Variants in RGS6 observed in about 807,000 individuals in gnomAD.
RGS6 encodes regulator of G-protein signaling 6.
RGS6 carries 30 observed loss-of-function variants against 78.5 expected under a neutral mutation model. The ratio of observed to expected loss-of-function variants is 0.38; its 90% confidence interval spans 0.29 to 0.52. The LOEUF is 0.52. RGS6 is among the 20% of genes least tolerant of loss of function. The pLI is 0.85. For synonymous variants in RGS6, 206 were observed against 206.0 expected (o/e 1.00, Z 0.00); for missense variants, 495 against 609.7 (o/e 0.81, Z 1.98).
Position 72,472,869 on chromosome 14 carries a change from C to T in RGS6, c.537-3C>T, listed in dbSNP as rs2096124286. On this transcript the variant is annotated splice_region_variant and splice_polypyrimidine_tract_variant and intron_variant, in intron 8 of 17. Transcript: ENST00000553525. The stretch of plus-strand genomic sequence containing the variant: ...TATTTCCTTCCTCTCTTTACTCTTT[C>T]AGGATTGACCGGAAAAAAGACAAGA... 6.2e-7 allele frequency: 1 copy of T among 1,604,618 alleles called. No homozygotes were observed. Among genetic ancestry groups the T allele is most frequent in the Non-Finnish European group, 8.5e-7 (1 of 1,174,098 alleles).
chr14:72,145,952 C>A (rs1408018897), intron 2 of RGS6, among the ~76,000 whole-genome samples: 1 of 152,300 alleles, frequency 6.6e-6, no homozygotes, highest in Non-Finnish European at 1.5e-5. Context: ...GGGATGGTGT[C>A]TTAGTCTGTT....
At chr14:72,094,902 C>A (rs1379000645) in intron 2 of RGS6, among the ~76,000 whole-genome samples, 1 of 152,154 alleles carries the variant, frequency 6.6e-6, no homozygotes, top group East Asian at 1.9e-4. Flanking sequence ...AATTACACAA[C>A]AAGCAAGGGG....
At chr14:72,179,997 T>G (rs930053053) in intron 2 of RGS6, among the ~76,000 whole-genome samples, 1 of 152,202 alleles carries the variant, frequency 6.6e-6, no homozygotes, top group Non-Finnish European at 1.5e-5. Flanking sequence ...GTCAGGTGCT[T>G]TCTGTGTTGG....
At chr14:71,982,178 C>A (rs1329248230) in intron 2 of RGS6, among the ~76,000 whole-genome samples, 1 of 152,136 alleles carries the variant, frequency 6.6e-6, no homozygotes, top group Non-Finnish European at 1.5e-5. Context: ...TGACCTGCGC[C>A]CAGTGTCTGG....
intron 3 of RGS6, among the ~76,000 whole-genome samples, chr14:72,416,730 A>C (rs1262605596): frequency 6.6e-6 from 1 of 152,232 alleles, no homozygotes; most frequent in Non-Finnish European, 1.5e-5. Flanking sequence ...GGAAGGAACA[A>C]GAACCTGTCT....
chr14:71,968,224 C>G (rs937835174), intron 2 of RGS6, among the ~76,000 whole-genome samples: 9 of 152,074 alleles, frequency 5.9e-5, no homozygotes, highest in Non-Finnish European at 8.8e-5. Flanking sequence ...ATTTAGGGTG[C>G]TTTATAAAAA....
chr14:71,906,037 A>G, the RGS6 span, among the ~76,000 whole-genome samples: 4 of 152,190 alleles, frequency 2.6e-5, no homozygotes, highest in Non-Finnish European at 5.9e-5. Context: ...CCCCCAAAAT[A>G]GTAGCTCCCT....
intron 16 of RGS6, among the ~76,000 whole-genome samples, chr14:72,536,602 C>T (rs759101062): frequency 2.8e-4 from 43 of 152,072 alleles, no homozygotes; most frequent in Non-Finnish European, 1.0e-4. Context: ...GGCAGTAACA[C>T]CAGCAAAACC....
the RGS6 span, among the ~76,000 whole-genome samples, chr14:71,908,861 G>A: frequency 1.3e-5 from 2 of 152,104 alleles, no homozygotes; most frequent in East Asian, 1.9e-4. Flanking sequence ...CACTCACAAG[G>A]CACTTATAAG....
intron 3 of RGS6, among the ~76,000 whole-genome samples, chr14:72,356,209 G>A (rs2080238921): frequency 6.6e-6 from 1 of 152,164 alleles, no homozygotes; most frequent in African/African-American, 2.4e-5. Context: ...GGAGGGACCT[G>A]GTGGTAGGTG....
At chr14:72,228,465 G>T (rs551963889) in intron 2 of RGS6, among the ~76,000 whole-genome samples, 22 of 152,298 alleles carry the variant, frequency 1.4e-4, no homozygotes, top group African/African-American at 5.3e-4. Context: ...TGTTAGTAGG[G>T]ACCCATTGGA....
At chr14:72,185,070 C>A (rs1015797260) in intron 2 of RGS6, among the ~76,000 whole-genome samples, 1 of 152,152 alleles carries the variant, frequency 6.6e-6, no homozygotes, top group African/African-American at 2.4e-5. Flanking sequence ...TCCAAGAGTC[C>A]AAAAGCCGAA....
At chr14:72,382,276 G>A (rs1260468194) in intron 3 of RGS6, among the ~76,000 whole-genome samples, 1 of 152,002 alleles carries the variant, frequency 6.6e-6, no homozygotes, top group Non-Finnish European at 1.5e-5. Context: ...ATAGAAAAAT[G>A]AGCAAAACCA....
At chr14:72,401,488 T>C (rs994443364) in intron 3 of RGS6, among the ~76,000 whole-genome samples, 3 of 151,650 alleles carry the variant, frequency 2.0e-5, no homozygotes, top group African/African-American at 4.8e-5. Flanking sequence ...TCAAACATGA[T>C]TTTATATGTG....
intron 2 of RGS6, chr14:71,990,802 T>C (rs1377359098): frequency 6.6e-6 from 3 of 455,954 alleles, no homozygotes; most frequent in Non-Finnish European, 1.3e-5. Context: ...AAGACATCTC[T>C]GTTTGAATCT....
intron 2 of RGS6, among the ~76,000 whole-genome samples, chr14:71,987,373 C>T (rs1284953067): frequency 6.6e-6 from 1 of 152,098 alleles, no homozygotes; most frequent in African/African-American, 2.4e-5. Flanking sequence ...AACCTGCTCA[C>T]TGGGTGCTCC....
At chr14:71,901,944 C>T in the RGS6 span, among the ~76,000 whole-genome samples, 1 of 152,130 alleles carries the variant, frequency 6.6e-6, no homozygotes, top group Non-Finnish European at 1.5e-5. Flanking sequence ...AAAAATAAAA[C>T]TTCTTTTATC....
chr14:72,419,330 C>G (rs538875594), intron 3 of RGS6, among the ~76,000 whole-genome samples: 1 of 152,226 alleles, frequency 6.6e-6, no homozygotes, highest in Non-Finnish European at 1.5e-5. Flanking sequence ...CTGTCATTAT[C>G]TTCACTGCAT....
chr14:72,182,425 A>C (rs2097185918), intron 2 of RGS6, among the ~76,000 whole-genome samples: 1 of 151,784 alleles, frequency 6.6e-6, no homozygotes, highest in Admixed American at 6.6e-5. Flanking sequence ...TCAAAAAAAA[A>C]AAAAAAAAAA....
Sources: allele counts gnomAD v4.1 joint callset (sites outside exome capture counted in the v4.1 genomes callset), GRCh38; gene constraint gnomAD v4.1.1; transcripts MANE v1.5; gene names NCBI Gene and HGNC (gene_info 2026-07-23, HGNC 2026-07-21).